Variants in TEAD1 observed in about 807,000 individuals in gnomAD.
TEAD1 encodes the protein TEA domain transcription factor 1.
In TEAD1, 9 loss-of-function variants were observed where a neutral mutation model predicts 54.9. That is an observed-to-expected ratio of 0.16 (90% CI 0.10 to 0.29). The LOEUF (loss-of-function observed/expected upper bound fraction) is 0.29. Among genes scored for constraint, TEAD1 ranks in the 10% least tolerant of loss-of-function variants. TEAD1 has a pLI of 1.00. For missense variants in TEAD1, 387 were observed against 535.9 expected, an observed-to-expected ratio of 0.72 and a Z score of 2.74; for synonymous variants, 200 against 187.8, an observed-to-expected ratio of 1.07 and a Z score of -0.53.
At chr11:12,693,515 G>A (rs1481123948) in intron 2 of TEAD1, among the ~76,000 whole-genome samples, 1 of 152,194 alleles carries the variant, frequency 6.6e-6, no homozygotes, top group East Asian at 1.9e-4. Context: ...CTAGGGGAAT[G>A]ACATCTAAAA....
intron 3 of TEAD1, among the ~76,000 whole-genome samples, chr11:12,842,003 C>T (rs1947050657): frequency 1.3e-5 from 2 of 152,168 alleles, no homozygotes; most frequent in Non-Finnish European, 2.9e-5. Context: ...CGGCTTTCCT[C>T]ATGTGCCGAA....
chr11:12,835,562 C>T (rs531500344), intron 3 of TEAD1, among the ~76,000 whole-genome samples: 4 of 151,820 alleles, frequency 2.6e-5, no homozygotes, highest in South Asian at 2.1e-4. Flanking sequence ...TCATGTGATC[C>T]GCCCGCCTTG....
chr11:12,840,768 G>A (rs1947021121), intron 3 of TEAD1, among the ~76,000 whole-genome samples: 1 of 152,168 alleles, frequency 6.6e-6, no homozygotes, highest in South Asian at 2.1e-4. Context: ...TGCAAATGGT[G>A]GCTTTCTGCA....
intron 3 of TEAD1, chr11:12,848,900 T>A (rs1947211190): frequency 6.6e-6 from 1 of 151,866 alleles, no homozygotes; most frequent in Non-Finnish European, 1.5e-5. Context: ...CACTGAGTCA[T>A]GATCACACCA....
At chr11:12,845,761 G>C (rs916108282) in intron 3 of TEAD1, among the ~76,000 whole-genome samples, 5 of 152,364 alleles carry the variant, frequency 3.3e-5, no homozygotes, top group Middle Eastern at 3.4e-3. Flanking sequence ...GTCTATCCAA[G>C]AGGGAGCTTG....
chr11:12,908,882 T>TG (rs1589980008), intron 10 of TEAD1, among the ~76,000 whole-genome samples: 1 of 130,206 alleles, frequency 7.7e-6, no homozygotes, highest in East Asian at 2.5e-4. Context: ...TCAAATTATC[T>TG]GTTTTTTTTT....
intron 3 of TEAD1, 97 bp downstream of exon 3, chr11:12,764,531 T>TG (rs1945164160): frequency 2.9e-6 from 4 of 1,383,218 alleles, no homozygotes; most frequent in Non-Finnish European, 4.1e-6. Context: ...GTTCATTGTA[T>TG]GGGGTTGAGT....
chr11:12,726,718 G>C (rs1235007558), intron 2 of TEAD1, among the ~76,000 whole-genome samples: 9 of 152,172 alleles, frequency 5.9e-5, no homozygotes, highest in Admixed American at 5.9e-4. Context: ...AACCAGGCGT[G>C]GTGGCATGCG....
At chr11:12,780,815 G>C (rs1240780898) in intron 3 of TEAD1, among the ~76,000 whole-genome samples, 1 of 152,126 alleles carries the variant, frequency 6.6e-6, no homozygotes, top group South Asian at 2.1e-4. Flanking sequence ...ATCCTTATCA[G>C]AATCCCAGGA....
chr11:12,869,585 A>T (rs1043043695), intron 5 of TEAD1, among the ~76,000 whole-genome samples: 1 of 152,208 alleles, frequency 6.6e-6, no homozygotes, highest in Non-Finnish European at 1.5e-5. Flanking sequence ...CATCAAAATT[A>T]TGAAGTTTTT....
intron 9 of TEAD1, among the ~76,000 whole-genome samples, chr11:12,900,774 A>G (rs1348290226): frequency 2.0e-5 from 3 of 152,228 alleles, no homozygotes; most frequent in African/African-American, 7.2e-5. Context: ...GTACTCAGGG[A>G]CAGTAGTTGG....
intron 10 of TEAD1, chr11:12,921,397 G>C (rs533832806): frequency 1.3e-5 from 2 of 152,010 alleles, no homozygotes; most frequent in African/African-American, 4.8e-5. Context: ...AAAATTATCC[G>C]GGCATGGTGG....
intron 3 of TEAD1, among the ~76,000 whole-genome samples, chr11:12,840,062 A>G (rs765265049): frequency 5.9e-5 from 9 of 151,930 alleles, no homozygotes; most frequent in Non-Finnish European, 1.2e-4. Flanking sequence ...CCTGGCTAAC[A>G]TGGTGAAATC....
rs961156390 is a variant in TEAD1, at chr11:12,862,263, G to A, written c.216G>A (p.Leu72=). 1 of 1,613,850 alleles carries A rather than the reference G, an allele frequency of 6.2e-7. No homozygotes were observed. Among genetic ancestry groups the A allele is most frequent in the Non-Finnish European group, 8.5e-7 (1 of 1,179,880 alleles). The change falls in exon 4 of 13, where the codon TTG becomes TTA. Residue 72 remains leucine, a synonymous_variant. Transcript: ENST00000527636. ...TCTTTCTTTCAGGTAGGAATGAATTGATAGCCAGATACATCAAACTCAGGA... is the reference window on the plus strand; with the variant it reads ...TCTTTCTTTCAGGTAGGAATGAATTAATAGCCAGATACATCAAACTCAGGA...
At position 12,755,755 on chromosome 11, in the gene TEAD1, C is replaced by T. The variant is rs72858127; in HGVS notation, c.-54-8424C>T. Among the ~76,000 whole-genome samples, 377 of 152,316 alleles carry T rather than the reference C, an allele frequency of 2.5e-3. 1 individual carries two copies. Among genetic ancestry groups the T allele is most frequent in the Middle Eastern group, 0.01 (3 of 294 alleles). On this transcript the variant is annotated intron_variant, in intron 2 of 12. Transcript: ENST00000527636. ...CTGGTTCACGCTCACTTTGGGCATG[C>T]ACTGTCTTGGTATCAGGTCTTTGCT...
intron 2 of TEAD1, among the ~76,000 whole-genome samples, chr11:12,696,171 A>G (rs552457187): frequency 6.6e-6 from 1 of 152,318 alleles, no homozygotes; most frequent in Admixed American, 6.5e-5. Context: ...GTCGGAGTTC[A>G]TTCAGTGGCT....
intron 3 of TEAD1, among the ~76,000 whole-genome samples, chr11:12,842,688 A>G (rs569865184): frequency 6.6e-6 from 1 of 152,178 alleles, no homozygotes; most frequent in South Asian, 2.1e-4. Context: ...TCATGCTTAA[A>G]TCGTGTTTAT....
intron 3 of TEAD1, among the ~76,000 whole-genome samples, chr11:12,837,954 C>T (rs981584004): frequency 7.9e-5 from 12 of 151,864 alleles, no homozygotes; most frequent in African/African-American, 2.4e-4. Context: ...CCACCACGCC[C>T]GCTAATTTTT....
chr11:12,925,617 T>A (rs115070246), intron 11 of TEAD1, among the ~76,000 whole-genome samples: 1,883 of 152,322 alleles, frequency 0.012, 42 homozygotes, highest in African/African-American at 0.043. Flanking sequence ...GGATGTCCCG[T>A]GCCAGTCCTC....
Sources: allele counts gnomAD v4.1 joint callset (sites outside exome capture counted in the v4.1 genomes callset), GRCh38; gene constraint gnomAD v4.1.1; transcripts MANE v1.5; gene names NCBI Gene and HGNC (gene_info 2026-07-23, HGNC 2026-07-21).